CFAP52: variants seen among roughly 807,000 people sequenced by gnomAD.
CFAP52 encodes cilia and flagella associated protein 52.
CFAP52 carries 57 observed loss-of-function variants against 70.5 expected under a neutral mutation model. The observed-to-expected ratio is 0.81, with a 90% CI of 0.65 to 1.01. The LOEUF (loss-of-function observed/expected upper bound fraction) is 1.01, where lower values mean the gene tolerates loss of function less well. Ranked by LOEUF, CFAP52 falls within the 50% of genes least tolerant of loss-of-function variation. The pLI is 0.00. For missense variants in CFAP52, 785 were observed against 788.5 expected, an observed-to-expected ratio of 1.00 and a Z score of 0.05; for synonymous variants, 267 against 292.5, an observed-to-expected ratio of 0.91 and a Z score of 0.89.
chr17:9,597,831 A>AGAGAGAAAGAG (rs57688684), intron 4 of CFAP52, among the ~76,000 whole-genome samples: 1 of 131,694 alleles, frequency 7.6e-6, no homozygotes, highest in Non-Finnish European at 1.6e-5. Context: ...GAGAGAGAGA[A>AGAGAGAAAGAG]AGAGAGAAAG....
rs1221257514 is a variant in CFAP52 at position 9,641,822 on chromosome 17, G to A, written c.1674G>A (p.Val558=). The change falls in exon 13 of 14, where the codon GTG becomes GTA. Residue 558 remains valine (V), a synonymous_variant. Coordinates refer to ENST00000352665, the MANE Select transcript of CFAP52 (RefSeq NM_145054.5). ...INGMDITQEG[V]HFVTGGNDHL... ...GCATGGATATCACACAGGAAGGGGTGCACTTTGTCACAGGTTAGTCCTGGG... is the reference window on the plus strand; with the variant it reads ...GCATGGATATCACACAGGAAGGGGTACACTTTGTCACAGGTTAGTCCTGGG... The A allele has an allele frequency of 9.3e-6, 15 of 1,613,568 alleles. No homozygotes were observed. Among genetic ancestry groups the A allele is most frequent in the Non-Finnish European group, 1.3e-5 (15 of 1,179,680 alleles).
intron 4 of CFAP52, among the ~76,000 whole-genome samples, chr17:9,597,803 A>AGAGAG (rs1909078209): frequency 1.4e-5 from 2 of 139,016 alleles, no homozygotes; most frequent in Non-Finnish European, 3.1e-5. Flanking sequence ...CTCTGTCAGA[A>AGAGAG]AGAGAGAGAG....
chr17:9,596,055 G>GTGTGTATGTA (rs1240401626), intron 4 of CFAP52, among the ~76,000 whole-genome samples: 1 of 90,460 alleles, frequency 1.1e-5, no homozygotes, highest in Non-Finnish European at 2.0e-5. Context: ...ATATATATGT[G>GTGTGTATGTA]TGTGTATATA....
intron 11 of CFAP52, among the ~76,000 whole-genome samples, chr17:9,636,231 G>GAA (rs1304425313): frequency 1.5e-4 from 22 of 147,360 alleles, no homozygotes; most frequent in African/African-American, 5.5e-4. Context: ...AAGAAAGAAA[G>GAA]AAAGAAAGAA....
chr17:9,630,554 C>G (rs377246653), intron 9 of CFAP52, among the ~76,000 whole-genome samples: 1 of 149,730 alleles, frequency 6.7e-6, no homozygotes, highest in Non-Finnish European at 1.5e-5. Flanking sequence ...CTCAGCCTCC[C>G]GAGTAGCTGG....
At chr17:9,628,060 C>A (rs1056089574) in intron 8 of CFAP52, among the ~76,000 whole-genome samples, 4 of 151,808 alleles carry the variant, frequency 2.6e-5, no homozygotes, top group Non-Finnish European at 5.9e-5. Flanking sequence ...ATAGAAAAGA[C>A]AAATGTTACT....
rs753256974 is a variant in CFAP52, at chr17:9,594,285, C to T, written c.500C>T (p.Ser167Phe). The change falls in exon 4 of 14, where the codon TCC becomes TTC. Residue 167 changes from serine to phenylalanine, a missense_variant. Coordinates refer to ENST00000352665, the MANE Select transcript of CFAP52 (RefSeq NM_145054.5). ...NVGNATNVIFSRCRDEMFMTA... is the reference protein window; with the variant it reads ...NVGNATNVIFFRCRDEMFMTA... The stretch of plus-strand genomic sequence containing the variant: ...GGCAATGCCACCAATGTGATCTTCT[C>T]CAGGTGCCGGGATGAGATGTTTATG... 8 of 1,613,820 alleles carry T rather than the reference C, an allele frequency of 5.0e-6. No homozygotes were observed. The South Asian group carries it at 6.6e-5, about 13-fold the overall frequency.
intron 12 of CFAP52, among the ~76,000 whole-genome samples, chr17:9,639,382 G>T (rs1222647287): frequency 6.6e-6 from 1 of 151,506 alleles, no homozygotes; most frequent in Non-Finnish European, 1.5e-5. Context: ...GGCGAGCCAA[G>T]ATTGCACCAC....
At chr17:9,592,839 G>T (rs533604736) in intron 3 of CFAP52, among the ~76,000 whole-genome samples, 1 of 152,276 alleles carries the variant, frequency 6.6e-6, no homozygotes, top group South Asian at 2.1e-4. Context: ...ACAAGATTTT[G>T]TGTGGACATG....
downstream of CFAP52, chr17:9,645,453 C>A: frequency 6.3e-6 from 3 of 472,536 alleles, no homozygotes; most frequent in Admixed American, 5.1e-5. The surrounding 1 kb of genome is among the most constrained non-coding windows in gnomAD (Gnocchi z 6.8). Flanking sequence ...GCTGGTCGTG[C>A]CGCCGGATTC....
chr17:9,583,872 G>A lies in CFAP52; in HGVS notation c.71-1901G>A, dbSNP rs148001781. ...AACCAAAATCAAGTTTGGGCCACTTGTCACTTGAAAGCTAAAAACTCAAGA... is the reference window on the plus strand; with the variant it reads ...AACCAAAATCAAGTTTGGGCCACTTATCACTTGAAAGCTAAAAACTCAAGA... On this transcript the variant is annotated intron_variant, in intron 1 of 13. Transcript: ENST00000352665. Among the ~76,000 whole-genome samples, 6 of 152,302 alleles carry A rather than the reference G, an allele frequency of 3.9e-5. No homozygotes were observed. The East Asian group carries it at 7.7e-4, about 20-fold the overall frequency.
At chr17:9,585,455 TCAGCAGTTCAAGAC>T (rs1220623936) in intron 1 of CFAP52, among the ~76,000 whole-genome samples, 1 of 151,816 alleles carries the variant, frequency 6.6e-6, no homozygotes, top group East Asian at 1.9e-4. Flanking sequence ...GATCACGAGG[TCAGCAGTTCAAGAC>T]CAGCCTGACC....
At chr17:9,594,096 GT>G (rs1185172054) in intron 3 of CFAP52, 96 bp from the exon 4 acceptor site, 2 of 1,454,760 alleles carry the variant, frequency 1.4e-6, no homozygotes, top group East Asian at 2.4e-5. Context: ...AACCTGTTGT[GT>G]TTTTTTCTTT....
intron 8 of CFAP52, among the ~76,000 whole-genome samples, chr17:9,614,113 A>C (rs1481328539): frequency 1.4e-5 from 2 of 144,622 alleles, no homozygotes; most frequent in Non-Finnish European, 3.1e-5. Context: ...TGGGTTTTGC[A>C]TCTCTTTCTT....
chr17:9,609,992 A>G (rs1168381765), intron 7 of CFAP52, among the ~76,000 whole-genome samples: 1 of 149,422 alleles, frequency 6.7e-6, no homozygotes, highest in African/African-American at 2.4e-5. Flanking sequence ...TGATTTCTGG[A>G]GAGAGAGAGA....
chr17:9,634,114 G>T (rs1007256031), intron 10 of CFAP52, among the ~76,000 whole-genome samples: 9 of 152,222 alleles, frequency 5.9e-5, no homozygotes, highest in Middle Eastern at 6.8e-3. Flanking sequence ...AACACCTTTT[G>T]CTCACACATT....
intron 4 of CFAP52, among the ~76,000 whole-genome samples, chr17:9,596,714 G>A (rs1909033298): frequency 6.6e-6 from 1 of 151,124 alleles, no homozygotes. Flanking sequence ...TGTTGTGTGT[G>A]TGTGTGTGTT....
chr17:9,590,468 C>A, intron 3 of CFAP52: 1 of 190,530 alleles, frequency 5.2e-6, no homozygotes, highest in South Asian at 1.2e-4. Context: ...CCTTCTGAAG[C>A]CCAAACATTC....
At chr17:9,632,077 C>CT (rs79133731) in intron 9 of CFAP52, among the ~76,000 whole-genome samples, 2,324 of 146,064 alleles carry the variant, frequency 0.016, 72 homozygotes, top group African/African-American at 0.054. Context: ...CCAGCCTCCA[C>CT]TTTTTTTTTT....
Sources: allele counts gnomAD v4.1 joint callset (sites outside exome capture counted in the v4.1 genomes callset), GRCh38; gene constraint gnomAD v4.1.1; non-coding constraint Gnocchi (gnomAD v3.1); transcripts MANE v1.5; gene names NCBI Gene and HGNC (gene_info 2026-07-23, HGNC 2026-07-21).